Variants in SPIRE1 observed in about 807,000 individuals in gnomAD.
SPIRE1 encodes protein spire homolog 1.
SPIRE1 carries 40 observed loss-of-function variants against 94.1 expected under a neutral mutation model. The observed-to-expected ratio is 0.43, with a 90% CI of 0.33 to 0.55. The LOEUF (loss-of-function observed/expected upper bound fraction) is 0.55, where lower values mean the gene tolerates loss of function less well. Ranked by LOEUF, SPIRE1 falls within the 20% of genes least tolerant of loss-of-function variation. SPIRE1 has a pLI of 0.06. For missense variants in SPIRE1, 838 were observed against 975.2 expected (o/e 0.86, Z 1.87); for synonymous variants, 376 against 371.7 (o/e 1.01, Z -0.13).
intron 4 of SPIRE1, among the ~76,000 whole-genome samples, chr18:12,516,412 T>TA (rs1224322506): frequency 5.3e-5 from 8 of 152,218 alleles, no homozygotes; most frequent in Non-Finnish European, 7.4e-5. Flanking sequence ...TCTAAATTGA[T>TA]AGAGTGTGAG....
At chr18:12,636,997 G>T (rs1212859882) in intron 1 of SPIRE1, among the ~76,000 whole-genome samples, 1 of 152,150 alleles carries the variant, frequency 6.6e-6, no homozygotes, top group Non-Finnish European at 1.5e-5. Flanking sequence ...ACTCTGCATG[G>T]GGGGAAGAGA....
chr18:12,498,654 G>A (rs1422192836), intron 6 of SPIRE1, among the ~76,000 whole-genome samples: 1 of 152,104 alleles, frequency 6.6e-6, no homozygotes, highest in African/African-American at 2.4e-5. Flanking sequence ...TGCGACACGG[G>A]CTTGTTCTAT....
At chr18:12,600,311 T>G (rs1328659230) in intron 2 of SPIRE1, among the ~76,000 whole-genome samples, 1 of 152,168 alleles carries the variant, frequency 6.6e-6, no homozygotes, top group Non-Finnish European at 1.5e-5. Context: ...ATCTGTGAGA[T>G]CATAAATTTG....
At chr18:12,639,420 A>G (rs1033252608) in intron 1 of SPIRE1, among the ~76,000 whole-genome samples, 1 of 152,140 alleles carries the variant, frequency 6.6e-6, no homozygotes. Flanking sequence ...GTAGTTTCCA[A>G]TTGAAGAAGC....
intron 1 of SPIRE1, among the ~76,000 whole-genome samples, chr18:12,654,756 G>A (rs1230740734): frequency 6.9e-6 from 1 of 145,504 alleles, no homozygotes; most frequent in African/African-American, 2.5e-5. Context: ...GAAGTCAGGC[G>A]CAGTGGCTCA....
At chr18:12,547,887 C>T (rs1363695243) in intron 2 of SPIRE1, among the ~76,000 whole-genome samples, 2 of 152,028 alleles carry the variant, frequency 1.3e-5, no homozygotes, top group South Asian at 2.1e-4. Context: ...GCTGACATTG[C>T]GCCACTGCAC....
At chr18:12,521,772 T>G (rs2034367363) in intron 4 of SPIRE1, among the ~76,000 whole-genome samples, 1 of 152,242 alleles carries the variant, frequency 6.6e-6, no homozygotes, top group Non-Finnish European at 1.5e-5. Flanking sequence ...TATTCCATTT[T>G]TTTTTTATTA....
In SPIRE1 at chr18:12,479,691, G is replaced by A. The variant is rs1396158413; in HGVS notation, c.1404+8C>T. The stretch of plus-strand genomic sequence containing the variant: ...TTGGGAGTCAAGCTGGGTGAACTGG[G>A]GCCTCACCTCAGACTCAGAGCTGTC... On this transcript the variant is annotated splice_region_variant and intron_variant, in intron 10 of 16. Transcript: ENST00000409402. 1.9e-6 allele frequency: 3 copies of A among 1,597,456 alleles called. No homozygotes were observed. Among genetic ancestry groups the A allele is most frequent in the Non-Finnish European group, 2.6e-6 (3 of 1,174,632 alleles).
chr18:12,633,840 A>C (rs901831424), intron 2 of SPIRE1, among the ~76,000 whole-genome samples: 2 of 152,216 alleles, frequency 1.3e-5, no homozygotes, highest in Non-Finnish European at 2.9e-5. Context: ...ACTGAAAAGA[A>C]CACCACACAT....
At chr18:12,495,935 C>T (rs1338307816) in intron 7 of SPIRE1, 81 bp downstream of exon 7, 1 of 1,052,710 alleles carries the variant, frequency 9.5e-7, no homozygotes, top group African/African-American at 1.6e-5. Flanking sequence ...CCTAGGAAAG[C>T]TGAGTTCTAG....
At chr18:12,606,721 G>A (rs1318968679) in intron 2 of SPIRE1, among the ~76,000 whole-genome samples, 10 of 152,112 alleles carry the variant, frequency 6.6e-5, no homozygotes, top group South Asian at 2.1e-4. Flanking sequence ...GGTAGAGACC[G>A]GGTTTCGCCA....
chr18:12,546,800 G>C lies in SPIRE1; in HGVS notation c.477C>G (p.His159Gln), dbSNP rs776896071. The change falls in exon 3 of 17, where the codon CAC becomes CAG. Residue 159 changes from histidine to glutamine, a missense_variant. Transcript: ENST00000409402. ...CGTCAGCTTCCACCGTGTTGGCCATGTGATCGATAAGCTGCTCTAGGGGAG... is the reference window on the plus strand; with the variant it reads ...CGTCAGCTTCCACCGTGTTGGCCATCTGATCGATAAGCTGCTCTAGGGGAG... Reference protein sequence around the residue: ...LSPPLEQLIDHMANTVEADGS... With the variant: ...LSPPLEQLIDQMANTVEADGS... The C allele has an allele frequency of 6.8e-5, 109 of 1,613,956 alleles. No homozygotes were observed. The highest frequency in any genetic ancestry group is 8.7e-5 in the Non-Finnish European group (103 of 1,180,012).
At chr18:12,582,794 G>T (rs1001710546) in intron 2 of SPIRE1, among the ~76,000 whole-genome samples, 2 of 151,938 alleles carry the variant, frequency 1.3e-5, no homozygotes, top group Non-Finnish European at 2.9e-5. Flanking sequence ...CCCTTCATTC[G>T]TTCAATAAAT....
chr18:12,553,472 T>A (rs565615771), intron 2 of SPIRE1, among the ~76,000 whole-genome samples: 42 of 152,196 alleles, frequency 2.8e-4, no homozygotes, highest in African/African-American at 9.9e-4. Context: ...GTGGTGGCCA[T>A]GGGGTGAGGC....
At chr18:12,480,889 T>A (rs1598914941) in intron 9 of SPIRE1, among the ~76,000 whole-genome samples, 1 of 152,200 alleles carries the variant, frequency 6.6e-6, no homozygotes, top group African/African-American at 2.4e-5. Context: ...CATGATGTAA[T>A]TTATAGACCA....
intron 2 of SPIRE1, among the ~76,000 whole-genome samples, chr18:12,594,308 A>C (rs552781298): frequency 6.6e-6 from 1 of 152,234 alleles, no homozygotes; most frequent in Non-Finnish European, 1.5e-5. Flanking sequence ...TTATTAAATG[A>C]ATAAACAGCC....
intron 1 of SPIRE1, among the ~76,000 whole-genome samples, chr18:12,638,879 G>GT (rs1230284400): frequency 2.0e-5 from 3 of 152,198 alleles, no homozygotes; most frequent in South Asian, 4.2e-4. Context: ...TGCGATGACT[G>GT]TAAGTTTTCT....
At chr18:12,509,460 T>C (rs1480060632) in intron 5 of SPIRE1, among the ~76,000 whole-genome samples, 1 of 152,214 alleles carries the variant, frequency 6.6e-6, no homozygotes. Context: ...GCCAAGATGA[T>C]ATACACTTAG....
intron 2 of SPIRE1, among the ~76,000 whole-genome samples, chr18:12,591,332 A>T (rs2036528665): frequency 6.6e-6 from 1 of 152,224 alleles, no homozygotes; most frequent in Non-Finnish European, 1.5e-5. Context: ...TGTCTGAAAG[A>T]AGTGAACGAG....
Sources: allele counts gnomAD v4.1 joint callset (sites outside exome capture counted in the v4.1 genomes callset), GRCh38; gene constraint gnomAD v4.1.1; transcripts MANE v1.5; gene names NCBI Gene and HGNC (gene_info 2026-07-23, HGNC 2026-07-21).